Variants in ATRN observed in about 807,000 individuals in gnomAD.
ATRN encodes the protein attractin-2.
In ATRN, 54 loss-of-function variants were observed where a neutral mutation model predicts 178.7. The ratio of observed to expected loss-of-function variants is 0.30; its 90% CI spans 0.24 to 0.38. The LOEUF (loss-of-function observed/expected upper bound fraction) is 0.38, where lower values mean the gene tolerates loss of function less well. ATRN is among the 10% of genes least tolerant of loss of function. ATRN has a pLI of 1.00. For missense variants in ATRN, 1,443 were observed against 1,815.1 expected (o/e 0.79, Z 3.73); for synonymous variants, 636 against 663.0 (o/e 0.96, Z 0.63).
intron 24 of ATRN, among the ~76,000 whole-genome samples, chr20:3,605,708 T>G (rs1282519318): frequency 6.6e-6 from 1 of 152,052 alleles, no homozygotes; most frequent in Admixed American, 6.5e-5. Context: ...CGAGAACACA[T>G]GGACACATGG....
intron 18 of ATRN, among the ~76,000 whole-genome samples, chr20:3,588,981 G>GTTTTTT (rs386393128): frequency 0.023 from 2,323 of 99,708 alleles, 102 homozygotes; most frequent in East Asian, 0.04. Flanking sequence ...ATTTTCTTTT[G>GTTTTTT]TTTTTTTTTT....
chr20:3,497,066 A>C (rs1310202965), intron 1 of ATRN, among the ~76,000 whole-genome samples: 1 of 150,646 alleles, frequency 6.6e-6, no homozygotes. Context: ...TCTGCACGTG[A>C]GATGGGTTTC....
intron 1 of ATRN, among the ~76,000 whole-genome samples, chr20:3,480,997 A>G (rs1301534212): frequency 2.6e-5 from 4 of 152,230 alleles, no homozygotes; most frequent in African/African-American, 4.8e-5. Context: ...TTAACTTACT[A>G]TGATACTTGT....
At chr20:3,562,895 T>A (rs78971233) in intron 9 of ATRN, among the ~76,000 whole-genome samples, 5,788 of 152,312 alleles carry the variant, frequency 0.038, 148 homozygotes, top group Non-Finnish European at 0.056. Context: ...CTTTCTAGTT[T>A]TTATGTCATT....
At chr20:3,618,658 A>G (rs1005790145) in intron 24 of ATRN, among the ~76,000 whole-genome samples, 2 of 152,192 alleles carry the variant, frequency 1.3e-5, no homozygotes, top group East Asian at 1.9e-4. Context: ...CATGGCAGGA[A>G]TGAGTGGCTG....
intron 23 of ATRN, 122 bp downstream of exon 23, chr20:3,601,146 C>A (rs915245912): frequency 2.6e-6 from 2 of 755,104 alleles, no homozygotes; most frequent in Non-Finnish European, 4.5e-6. Context: ...TTGCCACTTA[C>A]TAGCTATGAG....
intron 19 of ATRN, among the ~76,000 whole-genome samples, chr20:3,593,780 G>A (rs2086485881): frequency 6.6e-6 from 1 of 152,222 alleles, no homozygotes; most frequent in Non-Finnish European, 1.5e-5. Context: ...AGGGTATAAA[G>A]TGAAAAGGTG....
chr20:3,540,160 A>G, intron 2 of ATRN, 62 bp from the exon 3 acceptor site: 2 of 953,698 alleles, frequency 2.1e-6, no homozygotes, highest in South Asian at 1.7e-5. Flanking sequence ...GAATTTTTAT[A>G]TTCTCAAATG....
chr20:3,482,053 C>T (rs562022843), intron 1 of ATRN, among the ~76,000 whole-genome samples: 3 of 150,876 alleles, frequency 2.0e-5, no homozygotes, highest in South Asian at 2.1e-4. Context: ...TATGGACTCC[C>T]GTAGGAATTA....
Position 3,545,775 on chromosome 20 carries a change from C to G in ATRN, c.622C>G (p.Pro208Ala). The change falls in exon 4 of 29, where the codon CCT becomes GCT. Residue 208 changes from proline to alanine, a missense_variant. Physicochemically the swap from Pro to Ala is conservative, Grantham distance 27 (BLOSUM62 -1). Transcript: ENST00000262919. ...TTTTCATTTCAGTGGCCTCATTGTT[C>G]CTGAGAGAGATGGCAATGAGACTGT... ...LVAAFSGLIVPERDGNETVPE... is the reference protein window; with the variant it reads ...LVAAFSGLIVAERDGNETVPE... The G allele has an allele frequency of 6.2e-7, 1 of 1,613,882 alleles. No homozygotes were observed. Among genetic ancestry groups the G allele is most frequent in the South Asian group, 1.1e-5 (1 of 91,048 alleles).
intron 18 of ATRN, among the ~76,000 whole-genome samples, chr20:3,587,766 A>G (rs192359740): frequency 6.6e-6 from 1 of 152,324 alleles, no homozygotes; most frequent in African/African-American, 2.4e-5. Flanking sequence ...TGCAACAACA[A>G]AAAGCCAACT....
At chr20:3,604,977 C>T (rs2086659100) in intron 24 of ATRN, among the ~76,000 whole-genome samples, 1 of 152,120 alleles carries the variant, frequency 6.6e-6, no homozygotes, top group Non-Finnish European at 1.5e-5. Flanking sequence ...TCCTCAATAC[C>T]TTCTGCTTCT....
At chr20:3,486,308 C>T (rs1464550184) in intron 1 of ATRN, among the ~76,000 whole-genome samples, 4 of 152,202 alleles carry the variant, frequency 2.6e-5, no homozygotes, top group Admixed American at 2.0e-4. Flanking sequence ...CCTTCCCCTC[C>T]TCCCACCAGC....
chr20:3,599,002 G>A (rs997568794), intron 22 of ATRN, among the ~76,000 whole-genome samples: 3 of 152,094 alleles, frequency 2.0e-5, no homozygotes, highest in African/African-American at 7.2e-5. Flanking sequence ...AGTGTGGTAT[G>A]TTTACTATAC....
intron 25 of ATRN, among the ~76,000 whole-genome samples, chr20:3,631,375 G>C (rs542247360): frequency 6.6e-6 from 1 of 152,150 alleles, no homozygotes; most frequent in African/African-American, 2.4e-5. Flanking sequence ...GGGGAAATTC[G>C]ATGATTCAAA....
intron 25 of ATRN, among the ~76,000 whole-genome samples, chr20:3,631,564 G>A (rs1600170178): frequency 1.3e-5 from 2 of 152,266 alleles, no homozygotes; most frequent in South Asian, 4.1e-4. Context: ...TTGCTTTTCT[G>A]TAGCTTCTTG....
intron 21 of ATRN, 86 bp downstream of exon 21, chr20:3,596,515 C>T: frequency 1.6e-6 from 2 of 1,239,974 alleles, no homozygotes; most frequent in Non-Finnish European, 2.4e-6. Flanking sequence ...ATAGTAAGTG[C>T]TATAAGACTA....
intron 11 of ATRN, among the ~76,000 whole-genome samples, chr20:3,568,587 CTTGAATA>C (rs2086071898): frequency 6.6e-6 from 1 of 152,112 alleles, no homozygotes; most frequent in Admixed American, 6.5e-5. Flanking sequence ...ACACTGAATT[CTTGAATA>C]TTGAATTATT....
intron 1 of ATRN, among the ~76,000 whole-genome samples, chr20:3,527,618 A>G (rs2085385643): frequency 6.6e-6 from 1 of 152,200 alleles, no homozygotes; most frequent in African/African-American, 2.4e-5. Context: ...AGACACATGC[A>G]CACATATGTT....
Sources: gnomAD v4.1 joint callset for allele counts (sites outside exome capture counted in the v4.1 genomes callset) on GRCh38, gnomAD v4.1.1 for gene constraint, MANE v1.5 for transcripts, NCBI Gene and HGNC (gene_info 2026-07-23, HGNC 2026-07-21) for gene names.